The following ZBP1 variants were observed in gnomAD, a reference collection of about 807,000 sequenced individuals.
ZBP1 encodes the protein Z-DNA-binding protein 1.
A neutral mutation model predicts 41.1 loss-of-function variants in ZBP1; 42 were observed. The ratio of observed to expected loss-of-function variants is 1.02; its 90% CI spans 0.80 to 1.32. ZBP1 has a LOEUF of 1.32. Among genes scored for constraint, ZBP1 ranks in the 40% most tolerant of loss-of-function variants. The pLI is 0.00. For missense variants in ZBP1, 562 were observed against 549.7 expected (o/e 1.02, Z -0.22); for synonymous variants, 214 against 205.2 (o/e 1.04, Z -0.37).
chr20:57,619,963 A>G (rs1022975613), intron 1 of ZBP1, among the ~76,000 whole-genome samples: 5 of 151,836 alleles, frequency 3.3e-5, no homozygotes, highest in African/African-American at 1.2e-4. Flanking sequence ...CAGCATCCCG[A>G]GTAGCTGGGA....
In ZBP1 at chr20:57,604,682, G is replaced by C. The variant is rs1485689951; in HGVS notation, c.1181C>G (p.Pro394Arg). The C allele has an allele frequency of 1.2e-6, 2 of 1,614,048 alleles. No individual in the cohort carries two copies. Among genetic ancestry groups the C allele is most frequent in the African/African-American group, 1.3e-5 (1 of 74,900 alleles). ...TCCAAGAGTCATAGTTTCCAGCTTG[G>C]GGGTGAGCTTCGAGTGGCTGGGAGT... is the stretch of plus-strand genomic sequence containing the variant. ...PITPSHSKLT[P>R]KLETMTLGNR... Residue 394 changes from proline (P) to arginine (R), a missense_variant, in exon 8 of 8, where the codon CCC becomes CGC. Transcript: ENST00000371173.
rs151096623 is a variant in ZBP1, at chr20:57,604,763, C to T, written c.1100G>A (p.Arg367His). 37 of 1,612,272 alleles carry T rather than the reference C, an allele frequency of 2.3e-5. No homozygotes were observed. In the African/African-American group the frequency reaches 2.5e-4, roughly 11 times the overall value. Residue 367 changes from arginine (R) to histidine (H), a missense_variant, in exon 8 of 8, where the codon CGT (arginine) becomes CAT (histidine). Coordinates refer to ENST00000371173, the MANE Select transcript of ZBP1 (RefSeq NM_030776.3). ...EGEPGEDAGR[R>H]PADTQSRSHF... The stretch of plus-strand genomic sequence containing the variant: ...ACTTCTGGATTGTGTGTCTGCGGGA[C>T]GACGACCTAGGGAAGAGAAGATGGG...
chr20:57,606,329 G>T (rs761910087), intron 7 of ZBP1, among the ~76,000 whole-genome samples: 2 of 152,254 alleles, frequency 1.3e-5, no homozygotes, highest in Admixed American at 6.5e-5. Flanking sequence ...TGAGGAAGCT[G>T]CAGAAGAATA....
Position 57,616,391 on chromosome 20 carries a change from A to C in ZBP1, c.112T>G (p.Cys38Gly), listed in dbSNP as rs762457690. Residue 38 changes from cysteine to glycine, a missense_variant, in exon 2 of 8, where the codon TGC becomes GGC. Transcript: ENST00000371173. ...PVKLAQLVKE[C>G]QAPKRELNQV... is the part of the protein sequence containing the mutation. ...TTGAGCTCCCTCTTGGGTGCTTGGC[A>C]TTCCTTCACCAGCTGGGCAAGTTTC... is the stretch of plus-strand genomic sequence containing the variant. 5.0e-6 allele frequency: 8 copies of C among 1,614,136 alleles called. No homozygotes were observed. Among genetic ancestry groups the C allele is most frequent in the Non-Finnish European group, 5.9e-6 (7 of 1,180,024 alleles).
At chr20:57,620,222 G>A (rs375013022) in intron 1 of ZBP1, 40 bp downstream of exon 1, 40 of 1,563,418 alleles carry the variant, frequency 2.6e-5, no homozygotes, top group Middle Eastern at 3.3e-4. Flanking sequence ...ATCTCACCCC[G>A]GGAGCTACCG....
chr20:57,606,826 A>G (rs1178185488), intron 7 of ZBP1, among the ~76,000 whole-genome samples: 3 of 152,246 alleles, frequency 2.0e-5, no homozygotes, highest in Admixed American at 6.5e-5. Flanking sequence ...TTAGAAAACA[A>G]AATATTCCTT....
In ZBP1 at chr20:57,612,527, G is replaced by A. The variant is rs182745987; in HGVS notation, c.671-597C>T. ...CAACTGAGGCTGACAGTGGGGAAAGGTTCTCCCAAGGTTACAGGGAGTGTC... is the reference window on the plus strand; with the variant it reads ...CAACTGAGGCTGACAGTGGGGAAAGATTCTCCCAAGGTTACAGGGAGTGTC... On this transcript the variant is annotated intron_variant, in intron 5 of 7. Coordinates refer to ENST00000371173, the MANE Select transcript of ZBP1 (RefSeq NM_030776.3). Among the ~76,000 whole-genome samples, 467 of 151,814 alleles carry A rather than the reference G, an allele frequency of 3.1e-3. 3 individuals are homozygous for A. Among genetic ancestry groups the A allele is most frequent in the African/African-American group, 0.011 (447 of 41,506 alleles).
chr20:57,607,133 AGT>A (rs2070517929), intron 7 of ZBP1: 1 of 1,304,198 alleles, frequency 7.7e-7, no homozygotes, highest in Non-Finnish European at 1.0e-6. Flanking sequence ...ATCTGGGCAA[AGT>A]AAGTTGAAAA....
intron 5 of ZBP1, chr20:57,612,871 C>G: frequency 2.3e-6 from 3 of 1,290,382 alleles, no homozygotes; most frequent in Non-Finnish European, 3.0e-6. Context: ...AGGTCAGGCG[C>G]AACACAGAGA....
intron 2 of ZBP1, chr20:57,615,811 G>A: frequency 1.8e-6 from 1 of 555,472 alleles, no homozygotes; most frequent in Non-Finnish European, 3.1e-6. Flanking sequence ...GGGGTTGTGT[G>A]AGGGCTGGGT....
chr20:57,604,498 C>T lies in ZBP1; in HGVS notation c.*75G>A. ...AGGTCAAACAAGACGCTAAGGAATG[C>T]AGAGAGCAGCAGGCTAGTCTCCCTA... is the stretch of plus-strand genomic sequence containing the variant. On this transcript the variant is annotated 3_prime_UTR_variant, in exon 8 of 8. Coordinates refer to ENST00000371173, the MANE Select transcript of ZBP1 (RefSeq NM_030776.3). 6.5e-7 allele frequency: 1 copy of T among 1,543,644 alleles called. No homozygotes were observed. The highest frequency in any genetic ancestry group is 8.9e-7 in the Non-Finnish European group (1 of 1,118,142).
chr20:57,619,289 C>G (rs574213125), intron 1 of ZBP1, among the ~76,000 whole-genome samples: 28 of 152,290 alleles, frequency 1.8e-4, no homozygotes, highest in Admixed American at 1.2e-3. Context: ...GGTTTGAGCT[C>G]CTAGCCCTGC....
intron 5 of ZBP1, 137 bp from the exon 6 acceptor site, chr20:57,612,067 CT>C: frequency 1.0e-6 from 1 of 967,202 alleles, no homozygotes; most frequent in Non-Finnish European, 1.5e-6. Context: ...CAGGCTCTGG[CT>C]TAGAGAGCAA....
At chr20:57,611,347 C>T (rs2146571965) in intron 6 of ZBP1, among the ~76,000 whole-genome samples, 1 of 151,928 alleles carries the variant, frequency 6.6e-6, no homozygotes, top group African/African-American at 2.4e-5. Context: ...CAGGTTCAAG[C>T]AATTCTCCTA....
Position 57,604,705 on chromosome 20 carries a change from A to T in ZBP1, c.1158T>A (p.Thr386=). 6.2e-7 allele frequency: 1 copy of T among 1,613,164 alleles called. No individual in the cohort carries two copies. Among genetic ancestry groups the T allele is most frequent in the Non-Finnish European group, 8.5e-7 (1 of 1,179,892 alleles). The part of the protein sequence containing the change: ...HFPRDIGQPI[T]PSHSKLTPKL... Reference sequence around the variant, plus strand: ...TGGGGGTGAGCTTCGAGTGGCTGGGAGTGATGGGCTGACCAATGTCTCGAG... The same window carrying T: ...TGGGGGTGAGCTTCGAGTGGCTGGGTGTGATGGGCTGACCAATGTCTCGAG... The change falls in exon 8 of 8, where the codon ACT becomes ACA. Residue 386 remains threonine, a synonymous_variant. Coordinates refer to ENST00000371173, the MANE Select transcript of ZBP1 (RefSeq NM_030776.3).
intron 7 of ZBP1, chr20:57,607,091 A>G: frequency 8.4e-6 from 11 of 1,304,078 alleles, no homozygotes; most frequent in Non-Finnish European, 1.1e-5. Flanking sequence ...TTATGAGGGC[A>G]TAAGTGCAAC....
At position 57,620,405 on chromosome 20, in the gene ZBP1, G is replaced by A. The variant is rs2070983337; in HGVS notation, c.-110C>T. On this transcript the variant is annotated 5_prime_UTR_variant, in exon 1 of 8. Coordinates refer to ENST00000371173, the MANE Select transcript of ZBP1 (RefSeq NM_030776.3). Reference sequence around the variant, plus strand: ...AGGCTGGGGCTTCTGAAGTGGCCGAGCCTGGTGCTTCTTGCAGCTCTGAAC... The same window carrying A: ...AGGCTGGGGCTTCTGAAGTGGCCGAACCTGGTGCTTCTTGCAGCTCTGAAC... The A allele has an allele frequency of 4.1e-6, 5 of 1,234,320 alleles. No homozygotes were observed. The South Asian group carries it at 7.0e-5, about 17-fold the overall frequency. 76.5% of individuals were successfully genotyped at this position (1,234,320 alleles called of 1,614,324 possible).
intron 6 of ZBP1, among the ~76,000 whole-genome samples, chr20:57,611,028 T>C (rs1260809134): frequency 1.3e-5 from 2 of 152,134 alleles, no homozygotes; most frequent in East Asian, 3.9e-4. Flanking sequence ...GCATTCCCAG[T>C]GTGGGGGAGG....
At position 57,609,735 on chromosome 20, in the gene ZBP1, A is replaced by T. The variant is rs530409951; in HGVS notation, c.1093+414T>A. Among the ~76,000 whole-genome samples, 4 of 152,134 alleles carry T rather than the reference A, an allele frequency of 2.6e-5. No individual in the cohort carries two copies. The South Asian group carries it at 8.3e-4, about 32-fold the overall frequency. On this transcript the variant is annotated intron_variant, in intron 7 of 7. Transcript: ENST00000371173. Reference sequence around the variant, plus strand: ...TGCCCTGATGCAGAACCTTATTTGCATGGCAACCCAGCACCTCTCTCGGGC... The same window carrying T: ...TGCCCTGATGCAGAACCTTATTTGCTTGGCAACCCAGCACCTCTCTCGGGC...
Sources: allele counts gnomAD v4.1 joint callset (sites outside exome capture counted in the v4.1 genomes callset), GRCh38; gene constraint gnomAD v4.1.1; transcripts MANE v1.5; gene names NCBI Gene and HGNC (gene_info 2026-07-23, HGNC 2026-07-21).